Variants in EGFLAM observed in about 807,000 individuals in gnomAD.
The protein encoded by EGFLAM is pikachurin.
EGFLAM carries 79 observed loss-of-function variants against 113.1 expected under a neutral mutation model. The observed-to-expected ratio is 0.70, with a 90% CI of 0.58 to 0.84. The LOEUF is 0.84. Ranked by LOEUF, EGFLAM falls within the 40% of genes least tolerant of loss-of-function variation. The pLI, the probability that EGFLAM is intolerant of heterozygous loss-of-function variation, is 0.00. For synonymous variants in EGFLAM, 504 were observed against 487.6 expected (o/e 1.03, Z -0.44); for missense variants, 1,265 against 1,291.6 (o/e 0.98, Z 0.32).
At chr5:38,432,571 T>G (rs994418236) in intron 15 of EGFLAM, among the ~76,000 whole-genome samples, 2 of 152,202 alleles carry the variant, frequency 1.3e-5, no homozygotes, top group Admixed American at 1.3e-4. Flanking sequence ...TCACTTCTGG[T>G]GCAATCCAGA....
intron 1 of EGFLAM, among the ~76,000 whole-genome samples, chr5:38,269,575 C>T (rs376914426): frequency 2.0e-4 from 30 of 151,678 alleles, no homozygotes; most frequent in East Asian, 5.9e-4. Flanking sequence ...CTGCAAGCTC[C>T]GCCTCGCAGG....
At chr5:38,377,200 C>A (rs537100950) in intron 6 of EGFLAM, among the ~76,000 whole-genome samples, 10 of 151,840 alleles carry the variant, frequency 6.6e-5, no homozygotes, top group Admixed American at 6.6e-4. Flanking sequence ...CAGTTCACTG[C>A]AACCTCAGTT....
intron 5 of EGFLAM, among the ~76,000 whole-genome samples, chr5:38,355,527 G>A (rs1739742826): frequency 6.6e-6 from 1 of 152,162 alleles, no homozygotes; most frequent in Non-Finnish European, 1.5e-5. Context: ...CTCCTTGTCT[G>A]TAAAACGTGG....
intron 15 of EGFLAM, among the ~76,000 whole-genome samples, chr5:38,434,007 C>G (rs1170064394): frequency 6.6e-6 from 1 of 152,210 alleles, no homozygotes; most frequent in Non-Finnish European, 1.5e-5. Context: ...GTCTTGTCTT[C>G]TCTACCCTTG....
intron 12 of EGFLAM, among the ~76,000 whole-genome samples, chr5:38,419,413 C>G (rs1741758095): frequency 1.3e-5 from 2 of 152,108 alleles, no homozygotes; most frequent in African/African-American, 4.8e-5. Flanking sequence ...AAGTCTCCTC[C>G]TTGAATCTCT....
chr5:38,431,688 T>G (rs546289564), intron 15 of EGFLAM, among the ~76,000 whole-genome samples: 4 of 152,286 alleles, frequency 2.6e-5, no homozygotes, highest in South Asian at 4.1e-4. Context: ...TCCAGACTCC[T>G]GGGGCTCAAA....
intron 1 of EGFLAM, among the ~76,000 whole-genome samples, chr5:38,267,746 TC>T (rs1385238678): frequency 2.5e-4 from 38 of 152,188 alleles, no homozygotes; most frequent in Admixed American, 2.5e-3. Context: ...GAACTTCACC[TC>T]TGTCTTAGGC....
At chr5:38,294,592 A>G (rs1013724781) in intron 1 of EGFLAM, among the ~76,000 whole-genome samples, 2 of 152,140 alleles carry the variant, frequency 1.3e-5, no homozygotes, top group African/African-American at 4.8e-5. Context: ...CCCCTCTCCA[A>G]TGCTGAAATG....
chr5:38,320,685 C>T (rs985770528), intron 1 of EGFLAM, among the ~76,000 whole-genome samples: 2 of 151,958 alleles, frequency 1.3e-5, no homozygotes. Flanking sequence ...AGCTTTCCTG[C>T]TTGCCTTCTT....
At chr5:38,287,688 T>G (rs1758199760) in intron 1 of EGFLAM, among the ~76,000 whole-genome samples, 2 of 152,208 alleles carry the variant, frequency 1.3e-5, no homozygotes. Context: ...AGCATATTTC[T>G]ATTTAATGAC....
chr5:38,321,790 G>A (rs1738749529), intron 1 of EGFLAM, among the ~76,000 whole-genome samples: 1 of 152,164 alleles, frequency 6.6e-6, no homozygotes, highest in Non-Finnish European at 1.5e-5. Context: ...TTGTGAAGCA[G>A]CGTGACACTC....
intron 10 of EGFLAM, among the ~76,000 whole-genome samples, chr5:38,411,889 T>G (rs1429926448): frequency 6.6e-6 from 1 of 152,206 alleles, no homozygotes. Context: ...AACCTCCACC[T>G]CCTGGGTTCA....
chr5:38,385,806 T>C (rs1276788705), intron 6 of EGFLAM, among the ~76,000 whole-genome samples: 2 of 152,254 alleles, frequency 1.3e-5, no homozygotes, highest in Non-Finnish European at 2.9e-5. Flanking sequence ...AATACAGTAA[T>C]GCGTTGCTTA....
intron 1 of EGFLAM, chr5:38,286,038 G>A (rs1042063139): frequency 2.0e-5 from 3 of 152,052 alleles, no homozygotes; most frequent in Non-Finnish European, 4.4e-5. Flanking sequence ...TCCAGTCATC[G>A]CTAAAGCCTG....
At chr5:38,426,882 C>A (rs1039936611) in intron 13 of EGFLAM, 127 bp from the exon 14 acceptor site, 1 of 1,406,314 alleles carries the variant, frequency 7.1e-7, no homozygotes. Flanking sequence ...CACCACCAAC[C>A]TAACTGCAGG....
rs1303651994 is a variant in EGFLAM, at chr5:38,337,649, A to C, written c.207+20A>C. On this transcript the variant is annotated intron_variant, in intron 2 of 21. Transcript: ENST00000322350. ...TACACTGTGAGTACACGGGCATGGG[A>C]GTTTCCTCGGTGGGTGTGTCGTGTG... 8.9e-6 allele frequency: 14 copies of C among 1,570,944 alleles called. No homozygotes were observed. The highest frequency in any genetic ancestry group is 1.4e-5 in the African/African-American group (1 of 73,846).
Position 38,350,568 on chromosome 5 carries a change from C to T in EGFLAM, c.359C>T (p.Ala120Val). The change falls in exon 4 of 22, where the codon GCT becomes GTT. Residue 120 changes from alanine (A) to valine (V), a missense_variant. Coordinates refer to ENST00000322350, the MANE Select transcript of EGFLAM (RefSeq NM_152403.4). ...YRVSIAAYSQ[A>V]GKGRLSSPRH... ...GTGAGCATAGCAGCTTACAGCCAGG[C>T]TGGCAAAGGGCGGCTGAGCTCTCCT... is the stretch of plus-strand genomic sequence containing the variant. 1 of 1,614,104 alleles carries T rather than the reference C, an allele frequency of 6.2e-7. No homozygotes were observed. Among genetic ancestry groups the T allele is most frequent in the Non-Finnish European group, 8.5e-7 (1 of 1,179,984 alleles).
At chr5:38,449,969 C>T (rs975036664) in intron 18 of EGFLAM, among the ~76,000 whole-genome samples, 1 of 152,156 alleles carries the variant, frequency 6.6e-6, no homozygotes, top group East Asian at 1.9e-4. Context: ...GAGGCCACTC[C>T]CCAGCTGCCC....
chr5:38,409,255 T>C (rs1011979753), intron 10 of EGFLAM, 151 bp downstream of exon 10: 25 of 668,798 alleles, frequency 3.7e-5, no homozygotes, highest in Non-Finnish European at 6.2e-5. Context: ...GTTTACCAAA[T>C]ACTGGTGTAC....
Sources: allele counts gnomAD v4.1 joint callset (sites outside exome capture counted in the v4.1 genomes callset), GRCh38; gene constraint gnomAD v4.1.1; transcripts MANE v1.5; gene names NCBI Gene and HGNC (gene_info 2026-07-23, HGNC 2026-07-21).